The following DAB1 variants were observed in gnomAD, a reference collection of about 807,000 sequenced individuals.
The protein encoded by DAB1 is DAB adaptor protein 1, also known as disabled homolog 1.
A neutral mutation model predicts 64.6 loss-of-function variants in DAB1; 15 were observed. The observed-to-expected ratio is 0.23, with a 90% CI of 0.16 to 0.36. The LOEUF (loss-of-function observed/expected upper bound fraction) is 0.36. Ranked by LOEUF, DAB1 falls within the 10% of genes least tolerant of loss-of-function variation. The pLI, the probability that DAB1 is intolerant of heterozygous loss-of-function variation, is 1.00. For synonymous variants in DAB1, 235 were observed against 251.9 expected (o/e 0.93, Z 0.64); for missense variants, 596 against 706.7 (o/e 0.84, Z 1.78).
chr1:57,743,378 C>T (rs985882922), intron 6 of DAB1, among the ~76,000 whole-genome samples: 7 of 152,162 alleles, frequency 4.6e-5, no homozygotes, highest in African/African-American at 7.2e-5. Context: ...GAGATCCACC[C>T]CTGCCTGCAA....
At position 58,233,742 on chromosome 1, in the gene DAB1, T is replaced by C. The variant is rs114675687; in HGVS notation, n.310-83154A>G. Among the ~76,000 whole-genome samples, 1,516 of 152,292 alleles carry C rather than the reference T, an allele frequency of 1.0e-2. 24 individuals carry two copies. The highest frequency in any genetic ancestry group is 0.035 in the African/African-American group (1,458 of 41,546). On this transcript the variant is annotated intron_variant and non_coding_transcript_variant, in intron 4 of 20. Transcript: ENST00000485760. Reference sequence around the variant, plus strand: ...TCTGACTCCAAAATCTGATCTTCCCTTCAAGCTACTCTGAGCCACAGACCA... The same window carrying C: ...TCTGACTCCAAAATCTGATCTTCCCCTCAAGCTACTCTGAGCCACAGACCA...
chr1:58,267,724 A>G (rs984718251), intron 4 of DAB1, among the ~76,000 whole-genome samples: 1 of 152,194 alleles, frequency 6.6e-6, no homozygotes, highest in African/African-American at 2.4e-5. Context: ...ATATAACAAG[A>G]ACCTTATACA....
chr1:58,091,934 A>AC (rs1650683159), intron 5 of DAB1, among the ~76,000 whole-genome samples: 1 of 140,556 alleles, frequency 7.1e-6, no homozygotes, highest in African/African-American at 2.8e-5. Context: ...GAGCTGCATT[A>AC]AACACACACA....
At chr1:57,493,720 G>A (rs1644194057) in intron 7 of DAB1, among the ~76,000 whole-genome samples, 3 of 150,810 alleles carry the variant, frequency 2.0e-5, no homozygotes, top group African/African-American at 5.0e-5. Flanking sequence ...ACCGAAAGAT[G>A]AAGAAAGAAG....
intron 9 of DAB1, among the ~76,000 whole-genome samples, chr1:57,048,647 T>C (rs1365550594): frequency 5.9e-5 from 9 of 152,358 alleles, no homozygotes; most frequent in Non-Finnish European, 1.2e-4. Flanking sequence ...TAGAACTTTC[T>C]ATCTTTCAGA....
chr1:57,056,820 T>C (rs888459086), intron 9 of DAB1, among the ~76,000 whole-genome samples: 2 of 151,734 alleles, frequency 1.3e-5, no homozygotes, highest in Non-Finnish European at 2.9e-5. Context: ...ATCAAGATCA[T>C]GCCACTGCAC....
Position 58,074,551 on chromosome 1 carries a change from T to TATATATATATAC in DAB1, n.387+75959_387+75960insGTATATATATAT, listed in dbSNP as rs1380582901. 9.0e-3 allele frequency: 607 copies of TATATATATATAC among 67,556 alleles called. 1 individual carries two copies. The highest frequency in any genetic ancestry group is 0.016 in the Middle Eastern group (2 of 126). The allele number at this position is 67,556 out of a possible 1,614,324, so 4.2% of individuals were successfully genotyped here. On this transcript the variant is annotated intron_variant and non_coding_transcript_variant, in intron 5 of 20. Coordinates refer to the DAB1 transcript ENST00000485760. ...ATATATATATATATATATACACACA[T>TATATATATATAC]ATATATATGTGTGTATATATATATA...
At chr1:57,194,997 G>A (rs1664507209) in intron 2 of DAB1, among the ~76,000 whole-genome samples, 1 of 152,142 alleles carries the variant, frequency 6.6e-6, no homozygotes, top group African/African-American at 2.4e-5. Flanking sequence ...AATAACTTTG[G>A]GTCTTGGGTC....
rs113753763 is a variant in DAB1 at position 57,752,591 on chromosome 1, T to G, written n.552-102926A>C. Reference sequence around the variant, plus strand: ...TATAGATCATTAATAAATGAAAGTCTATTTGATTTCACAGGCCAATTTGTC... The same window carrying G: ...TATAGATCATTAATAAATGAAAGTCGATTTGATTTCACAGGCCAATTTGTC... On this transcript the variant is annotated intron_variant and non_coding_transcript_variant, in intron 6 of 20. Transcript: ENST00000485760. Among the ~76,000 whole-genome samples, 587 of 152,322 alleles carry G rather than the reference T, an allele frequency of 3.9e-3. 4 individuals carry two copies. The highest frequency in any genetic ancestry group is 0.014 in the African/African-American group (563 of 41,572).
At chr1:57,685,777 C>T (rs1381607011) in intron 6 of DAB1, among the ~76,000 whole-genome samples, 1 of 152,094 alleles carries the variant, frequency 6.6e-6, no homozygotes, top group Non-Finnish European at 1.5e-5. Context: ...TACATAAATA[C>T]ATTGAAATTA....
intron 1 of DAB1, among the ~76,000 whole-genome samples, chr1:57,300,714 G>C (rs622423): frequency 0.54 from 81,278 of 151,906 alleles, 22,721 homozygotes; most frequent in African/African-American, 0.68. Context: ...AAGGAGGCCC[G>C]AAGAAAATCC....
chr1:58,011,095 T>C (rs1646661556), intron 5 of DAB1, among the ~76,000 whole-genome samples: 1 of 152,222 alleles, frequency 6.6e-6, no homozygotes, highest in South Asian at 2.1e-4. Flanking sequence ...ATCTCTTATA[T>C]TTAGCATGAC....
At chr1:57,956,285 C>T (rs1570071780) in intron 5 of DAB1, among the ~76,000 whole-genome samples, 1 of 152,070 alleles carries the variant, frequency 6.6e-6, no homozygotes, top group East Asian at 1.9e-4. Flanking sequence ...AGCAGTAACC[C>T]AGAGCTGATA....
intron 1 of DAB1, among the ~76,000 whole-genome samples, chr1:57,358,981 C>A (rs1320728893): frequency 6.6e-6 from 1 of 151,872 alleles, no homozygotes; most frequent in Admixed American, 6.6e-5. Context: ...ATATATTAAT[C>A]AAAACTACAA....
intron 1 of DAB1, among the ~76,000 whole-genome samples, chr1:57,317,939 G>A (rs1054042729): frequency 1.3e-5 from 2 of 152,102 alleles, no homozygotes; most frequent in African/African-American, 4.8e-5. Flanking sequence ...GTCTGCTTTT[G>A]TGAAGATCAA....
chr1:57,886,554 T>C (rs1011134311), upstream of DAB1, among the ~76,000 whole-genome samples: 1 of 152,168 alleles, frequency 6.6e-6, no homozygotes, highest in Non-Finnish European at 1.5e-5. Flanking sequence ...GTATACTTCA[T>C]ATCTCATTTA....
intron 7 of DAB1, among the ~76,000 whole-genome samples, chr1:57,493,761 A>G (rs554935751): frequency 1.5e-3 from 201 of 132,614 alleles, no homozygotes; most frequent in Non-Finnish European, 2.6e-3. Flanking sequence ...ACGTATTCAC[A>G]GCTCACACAC....
chr1:57,159,205 T>C (rs72911120), intron 2 of DAB1, among the ~76,000 whole-genome samples: 2,798 of 152,262 alleles, frequency 0.018, 74 homozygotes, highest in East Asian at 0.15. Flanking sequence ...TCTTTTATTG[T>C]ATTTGAAAAA....
intron 4 of DAB1, 65 bp downstream of exon 4, chr1:57,136,478 A>G: frequency 1.1e-6 from 1 of 886,300 alleles, no homozygotes; most frequent in East Asian, 2.7e-5. Context: ...CAGAGAGTAG[A>G]GGCTTTTAAG....
Sources: gnomAD v4.1 joint callset for allele counts (sites outside exome capture counted in the v4.1 genomes callset) on GRCh38, gnomAD v4.1.1 for gene constraint, MANE v1.5 for transcripts, NCBI Gene and HGNC (gene_info 2026-07-23, HGNC 2026-07-21) for gene names.